TRIM44: variants seen among roughly 807,000 people sequenced by gnomAD.
TRIM44 encodes tripartite motif-containing protein 44.
Under a neutral mutation model 37.4 loss-of-function variants are expected in TRIM44, and 13 were observed. The observed-to-expected ratio is 0.35, with a 90% CI of 0.23 to 0.55. TRIM44 has a LOEUF of 0.55. Ranked by LOEUF, TRIM44 falls within the 20% of genes least tolerant of loss-of-function variation. The pLI is 0.89. For synonymous variants in TRIM44, 175 were observed against 157.2 expected (o/e 1.11, Z -0.85); for missense variants, 426 against 437.2 (o/e 0.97, Z 0.23).
intron 4 of TRIM44, among the ~76,000 whole-genome samples, chr11:35,755,137 C>A (rs908693389): frequency 6.6e-6 from 1 of 152,156 alleles, no homozygotes; most frequent in African/African-American, 2.4e-5. Flanking sequence ...TAAAAGTGTT[C>A]CTATTTCTCC....
chr11:35,759,292 C>T lies in TRIM44; in HGVS notation c.1007+23847C>T, dbSNP rs189630836. ...TACCCTTTCTACCAGTTGATCAAAT[C>T]GGCTACTGAGGCTTGTGCATTCGTC... On this transcript the variant is annotated intron_variant, in intron 4 of 4. Transcript: ENST00000299413. 3.2e-3 allele frequency among the ~76,000 whole-genome samples: 494 copies of T among 152,316 alleles called. 1 individual carries two copies. The highest frequency in any genetic ancestry group is 0.01 in the Middle Eastern group (3 of 292).
At chr11:35,728,126 G>A (rs1429053861) in intron 3 of TRIM44, among the ~76,000 whole-genome samples, 1 of 152,320 alleles carries the variant, frequency 6.6e-6, no homozygotes, top group East Asian at 1.9e-4. Flanking sequence ...AGGAGTTTAA[G>A]CCTGCCCTGG....
intron 3 of TRIM44, among the ~76,000 whole-genome samples, chr11:35,727,730 G>A (rs1852198123): frequency 6.6e-6 from 1 of 152,176 alleles, no homozygotes; most frequent in Admixed American, 6.5e-5. Flanking sequence ...CATTTAGTCA[G>A]TAGAAAATAG....
intron 4 of TRIM44, among the ~76,000 whole-genome samples, chr11:35,794,689 C>G (rs1222713520): frequency 6.6e-6 from 1 of 152,194 alleles, no homozygotes; most frequent in Non-Finnish European, 1.5e-5. Context: ...GTAAGCTGTT[C>G]ATGAGATTCC....
intron 2 of TRIM44, among the ~76,000 whole-genome samples, chr11:35,717,413 A>G (rs1852051096): frequency 6.6e-6 from 1 of 152,074 alleles, no homozygotes; most frequent in Non-Finnish European, 1.5e-5. Context: ...GTCTGGTGTC[A>G]AAGGTAGAAG....
chr11:35,787,367 A>G (rs1045844946), intron 4 of TRIM44, among the ~76,000 whole-genome samples: 6 of 152,184 alleles, frequency 3.9e-5, no homozygotes, highest in Non-Finnish European at 2.9e-5. Context: ...TAGAGCAGCT[A>G]CAGTACATTT....
intron 3 of TRIM44, among the ~76,000 whole-genome samples, chr11:35,732,368 G>A (rs1468069572): frequency 1.3e-5 from 2 of 152,246 alleles, no homozygotes; most frequent in East Asian, 3.9e-4. Context: ...AATCTAACAA[G>A]TCATTTAAAT....
chr11:35,776,010 T>A (rs989614886), intron 4 of TRIM44, among the ~76,000 whole-genome samples: 43 of 152,178 alleles, frequency 2.8e-4, no homozygotes, highest in African/African-American at 9.4e-4. Context: ...GGATTCCCTC[T>A]CTTTTTATTG....
intron 4 of TRIM44, among the ~76,000 whole-genome samples, chr11:35,761,970 C>T (rs1406402537): frequency 6.6e-6 from 1 of 152,174 alleles, no homozygotes; most frequent in Non-Finnish European, 1.5e-5. Flanking sequence ...AGAAGAGCAC[C>T]TGGAGAGATT....
In TRIM44 at chr11:35,777,017, C is replaced by T. The variant is rs1202454401; in HGVS notation, c.1008-29341C>T. On this transcript the variant is annotated intron_variant, in intron 4 of 4. Coordinates refer to ENST00000299413, the MANE Select transcript of TRIM44 (RefSeq NM_017583.6). ...TCAAGTCCTGGATATCCTTGTTAAC[C>T]TTCTGTCTCGTTGATCTGTCTAATG... Among the ~76,000 whole-genome samples, 19 of 152,100 alleles carry T rather than the reference C, an allele frequency of 1.2e-4. No individual in the cohort carries two copies. The East Asian group carries it at 3.1e-3, about 25-fold the overall frequency.
intron 2 of TRIM44, among the ~76,000 whole-genome samples, chr11:35,711,296 C>T: frequency 6.6e-6 from 1 of 152,064 alleles, no homozygotes; most frequent in Non-Finnish European, 1.5e-5. Context: ...TATTAATTTT[C>T]TTTTTCCTTT....
At chr11:35,803,389 T>C (rs543255312) in intron 4 of TRIM44, among the ~76,000 whole-genome samples, 16 of 152,230 alleles carry the variant, frequency 1.1e-4, no homozygotes, top group African/African-American at 3.6e-4. Context: ...GGTAGAAGGC[T>C]GTATTACTTC....
At chr11:35,771,792 T>G (rs1197179529) in intron 4 of TRIM44, among the ~76,000 whole-genome samples, 2 of 151,718 alleles carry the variant, frequency 1.3e-5, no homozygotes, top group African/African-American at 2.4e-5. Flanking sequence ...TTGGAAAATT[T>G]GCAGCCTCAC....
At chr11:35,708,593 G>A (rs1162940110) in intron 2 of TRIM44, among the ~76,000 whole-genome samples, 1 of 151,694 alleles carries the variant, frequency 6.6e-6, no homozygotes, top group African/African-American at 2.4e-5. Flanking sequence ...TAAAAATGAA[G>A]AGTTCATGTC....
chr11:35,721,493 C>G (rs1852106519), intron 2 of TRIM44, among the ~76,000 whole-genome samples: 1 of 152,112 alleles, frequency 6.6e-6, no homozygotes, highest in Admixed American at 6.5e-5. Context: ...CCTGAAGTAA[C>G]TAAGCGGTTA....
intron 4 of TRIM44, among the ~76,000 whole-genome samples, chr11:35,784,637 C>A (rs1342318608): frequency 6.6e-6 from 1 of 152,100 alleles, no homozygotes; most frequent in Non-Finnish European, 1.5e-5. Flanking sequence ...TGTGTGTATA[C>A]ACACATATAC....
At chr11:35,711,249 G>GT (rs143001952) in intron 2 of TRIM44, among the ~76,000 whole-genome samples, 3,120 of 152,240 alleles carry the variant, frequency 0.02, 121 homozygotes, top group African/African-American at 0.072. Context: ...GCCTGAATCA[G>GT]TTTTTTCAAC....
At position 35,662,784 on chromosome 11, in the gene TRIM44, C is replaced by A. The variant is rs1396842856; in HGVS notation, c.-328C>A. On this transcript the variant is annotated 5_prime_UTR_variant, in exon 1 of 5. Transcript: ENST00000299413. ...GGGCGGCGCGGGGGCCGGCGGCTGC[C>A]GCGATCTCTCCCTGGTAGCGGGAGG... 1 of 219,282 alleles carries A rather than the reference C, an allele frequency of 4.6e-6. No individual in the cohort carries two copies. Among genetic ancestry groups the A allele is most frequent in the South Asian group, 1.8e-4 (1 of 5,436 alleles). The allele number at this position is 219,282 out of a possible 1,614,324, so 13.6% of individuals were successfully genotyped here. A position where few individuals can be genotyped will look rare whatever the true frequency, so the allele number is the denominator to read the frequency against.
At chr11:35,753,948 C>A (rs1312140496) in intron 4 of TRIM44, among the ~76,000 whole-genome samples, 1 of 151,806 alleles carries the variant, frequency 6.6e-6, no homozygotes, top group Admixed American at 6.6e-5. Context: ...AGGCTGGTCT[C>A]AAACTCCTGA....
Sources: allele counts gnomAD v4.1 joint callset (sites outside exome capture counted in the v4.1 genomes callset), GRCh38; gene constraint gnomAD v4.1.1; transcripts MANE v1.5; gene names NCBI Gene and HGNC (gene_info 2026-07-23, HGNC 2026-07-21).